The following GALNTL6 variants were observed in gnomAD, a reference collection of about 807,000 sequenced individuals.
GALNTL6 encodes polypeptide N-acetylgalactosaminyltransferase-like 6.
In GALNTL6, 46 loss-of-function variants were observed where a neutral mutation model predicts 73.7. The ratio of observed to expected loss-of-function variants is 0.62; its 90% CI spans 0.49 to 0.80. The LOEUF is 0.80. Ranked by LOEUF, GALNTL6 falls within the 30% of genes least tolerant of loss-of-function variation. The pLI is 0.00. For missense variants in GALNTL6, 604 were observed against 755.0 expected, an observed-to-expected ratio of 0.80 and a Z score of 2.34; for synonymous variants, 259 against 263.7, an observed-to-expected ratio of 0.98 and a Z score of 0.17.
At chr4:171,941,780 G>A (rs1738551958) in intron 2 of GALNTL6, among the ~76,000 whole-genome samples, 1 of 151,994 alleles carries the variant, frequency 6.6e-6, no homozygotes, top group Non-Finnish European at 1.5e-5. Context: ...TTTTTCAGTT[G>A]GAGACCCTTC....
chr4:172,263,962 A>T (rs1738344849), intron 3 of GALNTL6, among the ~76,000 whole-genome samples: 1 of 151,726 alleles, frequency 6.6e-6, no homozygotes, highest in South Asian at 2.1e-4. Flanking sequence ...ATATTAAAAT[A>T]TATATGTCTC....
rs189476826 is a variant in GALNTL6 at position 172,513,182 on chromosome 4, A to C, written c.553+164493A>C. Among the ~76,000 whole-genome samples the C allele has an allele frequency of 3.3e-5, 5 of 152,186 alleles. No homozygotes were observed. In the East Asian group the frequency reaches 9.7e-4, roughly 29 times the overall value. On this transcript the variant is annotated intron_variant, in intron 5 of 12. Transcript: ENST00000506823. ...TTCTTTCTTTGTCTTTGTCAGATGA[A>C]ATTAATTGAAAAGCCTTGTCTTCAA...
chr4:172,464,655 C>T (rs1002552143), intron 5 of GALNTL6, among the ~76,000 whole-genome samples: 14 of 151,898 alleles, frequency 9.2e-5, no homozygotes, highest in Middle Eastern at 3.4e-3. Flanking sequence ...TGCAGTGAGC[C>T]GAGATCGCAC....
chr4:172,697,169 A>G (rs1336534739), intron 5 of GALNTL6, among the ~76,000 whole-genome samples: 1 of 152,242 alleles, frequency 6.6e-6, no homozygotes, highest in Non-Finnish European at 1.5e-5. Flanking sequence ...TTATGTGAAA[A>G]AAATAAAAAT....
intron 7 of GALNTL6, among the ~76,000 whole-genome samples, chr4:172,861,155 AT>A (rs2111135991): frequency 6.6e-6 from 1 of 152,328 alleles, no homozygotes; most frequent in East Asian, 1.9e-4. Flanking sequence ...TAGAAACTTC[AT>A]TTAACAGAGA....
intron 5 of GALNTL6, among the ~76,000 whole-genome samples, chr4:172,491,924 C>T (rs1359930054): frequency 6.6e-6 from 1 of 152,042 alleles, no homozygotes; most frequent in African/African-American, 2.4e-5. Context: ...CATTCTTACA[C>T]AAATGTGAGG....
intron 2 of GALNTL6, among the ~76,000 whole-genome samples, chr4:171,954,200 A>C (rs4505786): frequency 0.42 from 64,409 of 152,108 alleles, 15,981 homozygotes; most frequent in Admixed American, 0.56. Context: ...TAAAAATTCT[A>C]TTCATAACTC....
At chr4:172,766,033 C>G (rs922183772) in intron 5 of GALNTL6, among the ~76,000 whole-genome samples, 3 of 152,078 alleles carry the variant, frequency 2.0e-5, no homozygotes, top group African/African-American at 7.2e-5. Context: ...TACCTACAAG[C>G]AGCATTCAAA....
At position 171,989,595 on chromosome 4, in the gene GALNTL6, A is replaced by G. The variant is rs541895034; in HGVS notation, c.138+174877A>G. 5.3e-5 allele frequency among the ~76,000 whole-genome samples: 8 copies of G among 152,338 alleles called. No homozygotes were observed. In the South Asian group the frequency reaches 1.7e-3, roughly 32 times the overall value. On this transcript the variant is annotated intron_variant, in intron 2 of 12. Transcript: ENST00000506823. ...GAAATGTGGCTGGGGTTTGTCTCAC[A>G]GTGGAGGCAAGGAATTGCAACTCAG... is the stretch of plus-strand genomic sequence containing the variant.
intron 5 of GALNTL6, among the ~76,000 whole-genome samples, chr4:172,762,714 T>C (rs1193929109): frequency 6.6e-6 from 1 of 150,928 alleles, no homozygotes; most frequent in Non-Finnish European, 1.5e-5. Context: ...CACAATTAAC[T>C]CTTGAAGTAG....
chr4:171,825,118 T>A (rs954926151), intron 2 of GALNTL6, among the ~76,000 whole-genome samples: 1 of 152,254 alleles, frequency 6.6e-6, no homozygotes, highest in African/African-American at 2.4e-5. Context: ...ATTAAATCAG[T>A]CTAGTTGCCA....
intron 2 of GALNTL6, among the ~76,000 whole-genome samples, chr4:172,038,216 CTCTT>C (rs1437500557): frequency 3.3e-5 from 5 of 152,040 alleles, no homozygotes; most frequent in African/African-American, 1.2e-4. Flanking sequence ...CCTTGAAACA[CTCTT>C]TCTCTTGTTT....
At chr4:172,879,115 G>A (rs7691157) in intron 7 of GALNTL6, among the ~76,000 whole-genome samples, 94,680 of 151,554 alleles carry the variant, frequency 0.62, 32,134 homozygotes, top group East Asian at 0.9. Flanking sequence ...AGAGAGCTAC[G>A]GAAACATGTT....
At chr4:172,210,371 C>T (rs545616677) in intron 2 of GALNTL6, among the ~76,000 whole-genome samples, 1 of 152,194 alleles carries the variant, frequency 6.6e-6, no homozygotes, top group African/African-American at 2.4e-5. Context: ...TCTATTCCTA[C>T]ATGACTCTGG....
At chr4:172,993,408 G>A (rs1751628211) in intron 10 of GALNTL6, among the ~76,000 whole-genome samples, 1 of 152,198 alleles carries the variant, frequency 6.6e-6, no homozygotes. Flanking sequence ...CCTAATCTGT[G>A]GTATTTTGTT....
chr4:172,163,400 G>A (rs1376301409), intron 2 of GALNTL6, among the ~76,000 whole-genome samples: 1 of 151,786 alleles, frequency 6.6e-6, no homozygotes, highest in African/African-American at 2.4e-5. Context: ...AGATAACTCT[G>A]TAAATCAAAG....
chr4:172,753,385 G>C (rs1383574923), intron 5 of GALNTL6, among the ~76,000 whole-genome samples: 2 of 152,150 alleles, frequency 1.3e-5, no homozygotes. Flanking sequence ...CATGAATAGA[G>C]TACATTTAAT....
chr4:172,409,466 C>T (rs1744357727), intron 5 of GALNTL6, among the ~76,000 whole-genome samples: 1 of 151,896 alleles, frequency 6.6e-6, no homozygotes, highest in South Asian at 2.1e-4. Context: ...GATTATTAGC[C>T]TCTGTACTGC....
chr4:171,950,545 A>G (rs993080927), intron 2 of GALNTL6, among the ~76,000 whole-genome samples: 1 of 147,760 alleles, frequency 6.8e-6, no homozygotes, highest in Non-Finnish European at 1.5e-5. Flanking sequence ...CAGTGGCTCG[A>G]TCTTGGCTCA....
Sources: gnomAD v4.1 joint callset for allele counts (sites outside exome capture counted in the v4.1 genomes callset) on GRCh38, gnomAD v4.1.1 for gene constraint, MANE v1.5 for transcripts, NCBI Gene and HGNC (gene_info 2026-07-23, HGNC 2026-07-21) for gene names.